Variants in RORA observed in about 807,000 individuals in gnomAD.
The protein encoded by RORA is nuclear receptor ROR-alpha.
In RORA, 7 loss-of-function variants were observed where a neutral mutation model predicts 69.5. The observed-to-expected ratio is 0.10, with a 90% CI of 0.06 to 0.19. RORA has a LOEUF of 0.19. Ranked by LOEUF, RORA falls within the 10% of genes least tolerant of loss-of-function variation. The probability of loss-of-function intolerance (pLI) is 1.00; values close to 1 mark genes in which losing one functional copy is unlikely to be tolerated. For synonymous variants in RORA, 261 were observed against 240.8 expected (o/e 1.08, Z -0.78); for missense variants, 457 against 663.0 (o/e 0.69, Z 3.41).
chr15:60,540,525 C>G (rs978636483), intron 2 of RORA, among the ~76,000 whole-genome samples: 1 of 146,366 alleles, frequency 6.8e-6, no homozygotes, highest in South Asian at 2.1e-4. Flanking sequence ...AAATTCTTAA[C>G]AACCATTGAT....
chr15:60,791,314 T>C (rs535768774), intron 1 of RORA, among the ~76,000 whole-genome samples: 8 of 152,358 alleles, frequency 5.3e-5, no homozygotes, highest in South Asian at 2.1e-4. Context: ...GTAAGGGCTA[T>C]TGGCTTTTGG....
intron 1 of RORA, among the ~76,000 whole-genome samples, chr15:60,837,154 G>T (rs990828268): frequency 7.9e-5 from 12 of 151,784 alleles, no homozygotes; most frequent in African/African-American, 2.9e-4. Context: ...TTATAGGCAT[G>T]AGCCATCATG....
At chr15:60,985,817 T>C (rs915623166) in intron 1 of RORA, among the ~76,000 whole-genome samples, 13 of 152,170 alleles carry the variant, frequency 8.5e-5, no homozygotes, top group Non-Finnish European at 1.8e-4. Context: ...TCTCTTGACC[T>C]CATCCGCCCG....
At chr15:61,180,839 C>T (rs112498481) in intron 1 of RORA, among the ~76,000 whole-genome samples, 13,725 of 152,222 alleles carry the variant, frequency 0.09, 730 homozygotes, top group Non-Finnish European at 0.12. Context: ...TGGCTCACAC[C>T]TGTAATCCCA....
intron 1 of RORA, among the ~76,000 whole-genome samples, chr15:61,141,680 C>G (rs943337715): frequency 1.3e-5 from 2 of 152,198 alleles, no homozygotes; most frequent in Admixed American, 6.5e-5. Context: ...CTACCCAGAA[C>G]AGCCAGAATG....
intron 1 of RORA, among the ~76,000 whole-genome samples, chr15:60,836,988 T>C (rs753074183): frequency 1.3e-5 from 2 of 151,764 alleles, no homozygotes; most frequent in Admixed American, 6.6e-5. Flanking sequence ...AATCCTTCAG[T>C]GGCTCCCTAA....
At chr15:60,627,779 T>C (rs1363173767) in intron 2 of RORA, among the ~76,000 whole-genome samples, 3 of 152,190 alleles carry the variant, frequency 2.0e-5, no homozygotes, top group Non-Finnish European at 2.9e-5. Context: ...GCTCCAGGCA[T>C]TGCCCTCCTC....
At chr15:60,592,336 G>GC in intron 2 of RORA, 12 of 1,296,162 alleles carry the variant, frequency 9.3e-6, no homozygotes, top group South Asian at 3.7e-5. Flanking sequence ...CCTCCTCCCC[G>GC]CCCCCCGGAG....
chr15:60,592,181 C>T (rs1268505588), intron 2 of RORA, among the ~76,000 whole-genome samples: 4 of 151,892 alleles, frequency 2.6e-5, no homozygotes, highest in African/African-American at 7.2e-5. Flanking sequence ...TGCGCCTTTG[C>T]CCCCCAATCG....
At chr15:60,627,505 G>A in intron 2 of RORA, 1 of 1,511,824 alleles carries the variant, frequency 6.6e-7, no homozygotes, top group African/African-American at 1.4e-5. Flanking sequence ...GAGTATGGGG[G>A]ATAATGCTCA....
rs79178018 is a variant in RORA at position 60,914,011 on chromosome 15, G to A, written c.167-235325C>T. 4.8e-3 allele frequency among the ~76,000 whole-genome samples: 737 copies of A among 152,166 alleles called. 7 individuals are homozygous for A. Among genetic ancestry groups the A allele is most frequent in the Non-Finnish European group, 7.2e-3 (488 of 68,008 alleles). ...CACTGACTTTTGTATGAAAGGGACCGTGCCTCTTCACCTCTGTAACTCTAG... is the reference window on the plus strand; with the variant it reads ...CACTGACTTTTGTATGAAAGGGACCATGCCTCTTCACCTCTGTAACTCTAG... On this transcript the variant is annotated intron_variant, in intron 1 of 10. Transcript: ENST00000335670.
At chr15:60,787,481 G>A (rs1261721212) in intron 1 of RORA, among the ~76,000 whole-genome samples, 1 of 152,220 alleles carries the variant, frequency 6.6e-6, no homozygotes, top group Non-Finnish European at 1.5e-5. Context: ...AAGGGGTGGA[G>A]TGGGGACAGC....
At chr15:60,624,572 A>G (rs1450073118) in intron 2 of RORA, among the ~76,000 whole-genome samples, 2 of 146,900 alleles carry the variant, frequency 1.4e-5, no homozygotes, top group African/African-American at 2.5e-5. Context: ...CTGCACATAT[A>G]TATTATATAT....
At chr15:60,960,691 G>A (rs371523426) in intron 1 of RORA, among the ~76,000 whole-genome samples, 7 of 146,148 alleles carry the variant, frequency 4.8e-5, no homozygotes, top group African/African-American at 1.0e-4. Context: ...CCTACTGCAC[G>A]AAGTCCAAAT....
At chr15:60,558,059 T>A (rs1297259743) in intron 2 of RORA, 1 of 431,338 alleles carries the variant, frequency 2.3e-6, no homozygotes, top group Non-Finnish European at 4.1e-6. Context: ...GTAGTGCCAA[T>A]GACGAAAGAG....
At chr15:60,849,979 C>T (rs1049105193) in intron 1 of RORA, among the ~76,000 whole-genome samples, 3 of 152,114 alleles carry the variant, frequency 2.0e-5, no homozygotes, top group South Asian at 2.1e-4. Context: ...ACTAATGAGA[C>T]GTCATCATGA....
In RORA at chr15:60,587,055, A is replaced by G. The variant is rs193078722; in HGVS notation, c.197-55204T>C. 4.2e-3 allele frequency among the ~76,000 whole-genome samples: 637 copies of G among 152,304 alleles called. 1 individual carries two copies. Among genetic ancestry groups the G allele is most frequent in the Non-Finnish European group, 7.2e-3 (490 of 68,012 alleles). ...CACAAAGTCATATTAAAATTAGAAG[A>G]TGCATTTGTGAATGTTCCCTTTGCC... On this transcript the variant is annotated intron_variant, in intron 2 of 10. Coordinates refer to ENST00000335670, the MANE Select transcript of RORA (RefSeq NM_134261.3).
intron 1 of RORA, among the ~76,000 whole-genome samples, chr15:61,035,698 G>A (rs1042430900): frequency 6.6e-6 from 1 of 152,170 alleles, no homozygotes; most frequent in African/African-American, 2.4e-5. Context: ...TTTAAAAATG[G>A]TCATGCTACA....
Position 61,165,032 on chromosome 15 carries a change from G to C in RORA, c.166+64021C>G, listed in dbSNP as rs369211894. Among the ~76,000 whole-genome samples, 15 of 152,248 alleles carry C rather than the reference G, an allele frequency of 9.9e-5. No homozygotes were observed. The East Asian group carries it at 1.4e-3, about 14-fold the overall frequency. On this transcript the variant is annotated intron_variant, in intron 1 of 10. Coordinates refer to ENST00000335670, the MANE Select transcript of RORA (RefSeq NM_134261.3). ...CTGTGGCTCCATCACACCCTCCAAA[G>C]CTCCTACTGAGAAGAAGGCATCCTG...
Sources: allele counts gnomAD v4.1 joint callset (sites outside exome capture counted in the v4.1 genomes callset), GRCh38; gene constraint gnomAD v4.1.1; transcripts MANE v1.5; gene names NCBI Gene and HGNC (gene_info 2026-07-23, HGNC 2026-07-21).